DHX9: variants seen among roughly 807,000 people sequenced by gnomAD.
DHX9 encodes the protein DExH-box helicase 9.
In DHX9, 27 loss-of-function variants were observed where a neutral mutation model predicts 148.7. That is an observed-to-expected ratio of 0.18 (90% CI 0.13 to 0.25). DHX9 has a LOEUF of 0.25. DHX9 is among the 10% of genes least tolerant of loss of function. DHX9 has a pLI of 1.00. For missense variants in DHX9, 796 were observed against 1,559.6 expected (o/e 0.51, Z 8.25); for synonymous variants, 529 against 516.6 (o/e 1.02, Z -0.33).
At chr1:182,886,911 C>A (rs1181959203) in intron 27 of DHX9, among the ~76,000 whole-genome samples, 172 bp from the exon 28 acceptor site, 2 of 152,174 alleles carry the variant, frequency 1.3e-5, no homozygotes, top group African/African-American at 2.4e-5. Flanking sequence ...CAGATGGATA[C>A]AATTGATGAC....
chr1:182,843,495 C>A, intron 3 of DHX9, 61 bp downstream of exon 3: 3 of 1,361,208 alleles, frequency 2.2e-6, no homozygotes, highest in Non-Finnish European at 2.9e-6. Context: ...ACTCAATATG[C>A]GTAAGAGACT....
At chr1:182,854,565 T>C (rs1427275960) in intron 6 of DHX9, among the ~76,000 whole-genome samples, 1 of 151,744 alleles carries the variant, frequency 6.6e-6, no homozygotes, top group African/African-American at 2.4e-5. Context: ...CTTTAATGGG[T>C]CAGGTTAGAT....
chr1:182,866,665 G>A (rs1309302660), intron 13 of DHX9, 80 bp downstream of exon 13: 3 of 1,459,460 alleles, frequency 2.1e-6, no homozygotes, highest in Non-Finnish European at 2.8e-6. Context: ...CAGAATGACT[G>A]GAAAGAAATA....
intron 14 of DHX9, among the ~76,000 whole-genome samples, chr1:182,868,770 C>T (rs944525905): frequency 2.0e-5 from 3 of 151,902 alleles, no homozygotes; most frequent in African/African-American, 7.3e-5. Context: ...ACCTTCCTGG[C>T]CTCAAAGCAT....
intron 8 of DHX9, 43 bp downstream of exon 8, chr1:182,858,283 T>G (rs1474507802): frequency 6.3e-7 from 1 of 1,587,078 alleles, no homozygotes; most frequent in Non-Finnish European, 8.6e-7. Flanking sequence ...AGTGTGAGAT[T>G]CAATTTAGCT....
intron 14 of DHX9, 61 bp from the exon 15 acceptor site, chr1:182,872,276 G>C (rs1358613287): frequency 2.8e-5 from 40 of 1,414,146 alleles, no homozygotes; most frequent in Non-Finnish European, 3.2e-5. Context: ...AACTCTTTTA[G>C]GCATAGCTTG....
intron 14 of DHX9, among the ~76,000 whole-genome samples, chr1:182,868,196 G>T (rs1648385870): frequency 6.6e-6 from 1 of 152,068 alleles, no homozygotes; most frequent in Admixed American, 6.6e-5. Flanking sequence ...GCAACAAAAA[G>T]AAAGTACTGA....
intron 15 of DHX9, among the ~76,000 whole-genome samples, chr1:182,873,657 A>C (rs1648646022): frequency 6.6e-6 from 1 of 152,222 alleles, no homozygotes; most frequent in African/African-American, 2.4e-5. Context: ...TAGGTATAGA[A>C]ATAATTATAG....
In DHX9 at chr1:182,883,620, T is replaced by C; in HGVS notation, c.3245T>C (p.Val1082Ala). Residue 1082 changes from valine (V) to alanine (A), a missense_variant, in exon 26 of 28, where the codon GTG becomes GCG. Physicochemically the swap from Val to Ala is moderately conservative, Grantham distance 64. Coordinates refer to ENST00000367549, the MANE Select transcript of DHX9 (RefSeq NM_001357.5). The stretch of plus-strand genomic sequence containing the variant: ...AAAGTCCAATCTGATGGGCAGATTG[T>C]GCTTGTAGATGACTGGTATGGATTT... ...SKKVQSDGQI[V>A]LVDDWIKLQI... 6.2e-7 allele frequency: 1 copy of C among 1,612,236 alleles called. No homozygotes were observed. The highest frequency in any genetic ancestry group is 8.5e-7 in the Non-Finnish European group (1 of 1,178,368).
chr1:182,848,064 G>A (rs1668064107), intron 3 of DHX9, among the ~76,000 whole-genome samples: 1 of 152,094 alleles, frequency 6.6e-6, no homozygotes, highest in African/African-American at 2.4e-5. Flanking sequence ...TACAGTAGCT[G>A]TACTTCTTCA....
In DHX9 at chr1:182,843,506, C is replaced by G. The variant is rs555749161; in HGVS notation, c.252+72C>G. 72 of 1,312,402 alleles carry G rather than the reference C, an allele frequency of 5.5e-5. 1 individual carries two copies. The African/African-American group carries it at 1.1e-3, about 20-fold the overall frequency. The allele number at this position is 1,312,402 out of a possible 1,614,324, so 81.3% of individuals were successfully genotyped here. A position where few individuals can be genotyped will look rare whatever the true frequency, so the allele number is the denominator to read the frequency against. ...ACAAACTCAATATGCGTAAGAGACT[C>G]AAGATAGTAATTTTTCACTGTTTTC... is the stretch of plus-strand genomic sequence containing the variant. On this transcript the variant is annotated intron_variant, in intron 3 of 27. Coordinates refer to ENST00000367549, the MANE Select transcript of DHX9 (RefSeq NM_001357.5).
intron 7 of DHX9, 64 bp downstream of exon 7, chr1:182,856,642 A>C (rs1668255588): frequency 1.4e-6 from 2 of 1,438,462 alleles, no homozygotes; most frequent in Admixed American, 1.7e-5. Flanking sequence ...TCACATTTTA[A>C]GTCTTGAGTC....
chr1:182,869,530 T>A (rs1557974500), intron 14 of DHX9, among the ~76,000 whole-genome samples: 9 of 152,186 alleles, frequency 5.9e-5, no homozygotes, highest in Non-Finnish European at 5.9e-5. Flanking sequence ...TCTGGTTTGG[T>A]CCAGTCTTGC....
At chr1:182,854,314 AT>A in intron 6 of DHX9, 136 bp downstream of exon 6, 1 of 811,558 alleles carries the variant, frequency 1.2e-6, no homozygotes, top group Non-Finnish European at 1.8e-6. Flanking sequence ...GATAACGTTA[AT>A]TTGCACAAGA....
At chr1:182,853,579 C>T (rs955589043) in intron 5 of DHX9, among the ~76,000 whole-genome samples, 161 bp downstream of exon 5, 32 of 152,236 alleles carry the variant, frequency 2.1e-4, no homozygotes, top group African/African-American at 7.2e-4. Flanking sequence ...AGCTAAACTA[C>T]CCATTTACTC....
rs920744097 is a variant in DHX9 at position 182,868,155 on chromosome 1, T to A, written c.1557+1112T>A. Among the ~76,000 whole-genome samples the A allele has an allele frequency of 2.0e-5, 3 of 152,298 alleles. No homozygotes were observed. The East Asian group carries it at 5.8e-4, about 29-fold the overall frequency. On this transcript the variant is annotated intron_variant, in intron 14 of 27. Coordinates refer to ENST00000367549, the MANE Select transcript of DHX9 (RefSeq NM_001357.5). ...AAAGACCAAAATATATATTTCATAA[T>A]ATCATAAGTCATAAAATTGAATAGT...
At chr1:182,879,103 G>C (rs1008343424) in intron 20 of DHX9, 147 bp from the exon 21 acceptor site, 25 of 582,840 alleles carry the variant, frequency 4.3e-5, no homozygotes, top group African/African-American at 9.4e-5. Flanking sequence ...AGTGTGTATA[G>C]TGAACGATAA....
rs561417942 is a variant in DHX9 at position 182,850,314 on chromosome 1, A to G, written c.253-1919A>G. On this transcript the variant is annotated intron_variant, in intron 3 of 27. Coordinates refer to ENST00000367549, the MANE Select transcript of DHX9 (RefSeq NM_001357.5). ...CCAGACCCTGTCTCAAAAAAAAGAA[A>G]AATGGCGTGGTGGCTCACACCTGTA... Among the ~76,000 whole-genome samples the G allele has an allele frequency of 3.9e-5, 6 of 152,274 alleles. No individual in the cohort carries two copies. In the South Asian group the frequency reaches 1.2e-3, roughly 32 times the overall value.
Position 182,883,704 on chromosome 1 carries a change from AATCTAACTTAATTATATACTAATTAT to A in DHX9, c.3260+91_3260+116del, listed in dbSNP as rs1165228198. Reference sequence around the variant, plus strand: ...TACAATATGATGGAATTCAGCTGCTAATCTAACTTAATTATATACTAATTATATCTAACTTAATTATATACTATATA... The same window carrying A: ...TACAATATGATGGAATTCAGCTGCTAATCTAACTTAATTATATACTATATA... On this transcript the variant is annotated intron_variant, in intron 26 of 27. Coordinates refer to ENST00000367549, the MANE Select transcript of DHX9 (RefSeq NM_001357.5). The A allele has an allele frequency of 5.8e-5, 63 of 1,077,212 alleles. No homozygotes were observed. In the African/African-American group the frequency reaches 8.6e-4, roughly 15 times the overall value. 66.7% of individuals were successfully genotyped at this position (1,077,212 alleles called of 1,614,324 possible).
Sources: gnomAD v4.1 joint callset for allele counts (sites outside exome capture counted in the v4.1 genomes callset) on GRCh38, gnomAD v4.1.1 for gene constraint, MANE v1.5 for transcripts, NCBI Gene and HGNC (gene_info 2026-07-23, HGNC 2026-07-21) for gene names.